The following KIF26B variants were observed in gnomAD, a reference collection of about 807,000 sequenced individuals.
The protein encoded by KIF26B is kinesin-like protein KIF26B.
Under a neutral mutation model 151.2 loss-of-function variants are expected in KIF26B, and 63 were observed. The observed-to-expected ratio is 0.42, with a 90% CI of 0.34 to 0.51. KIF26B has a LOEUF of 0.51. KIF26B is among the 20% of genes least tolerant of loss of function. The probability of loss-of-function intolerance (pLI) is 0.07; values close to 1 mark genes in which losing one functional copy is unlikely to be tolerated. For synonymous variants in KIF26B, 1,357 were observed against 1,262.1 expected (o/e 1.08, Z -1.59); for missense variants, 2,813 against 2,913.6 (o/e 0.97, Z 0.79).
intron 10 of KIF26B, among the ~76,000 whole-genome samples, chr1:245,648,953 G>A (rs1181785142): frequency 6.6e-6 from 1 of 152,326 alleles, no homozygotes; most frequent in Admixed American, 6.5e-5. Flanking sequence ...AGACTCACCA[G>A]CTGCCCTTGC....
intron 1 of KIF26B, 93 bp downstream of exon 1, chr1:245,155,580 G>A: frequency 4.3e-6 from 5 of 1,153,444 alleles, no homozygotes; most frequent in Non-Finnish European, 6.1e-6. Flanking sequence ...CCGGCCCCGA[G>A]CTCTCCCCCG....
intron 4 of KIF26B, among the ~76,000 whole-genome samples, chr1:245,421,681 C>A (rs909733420): frequency 6.6e-6 from 1 of 152,054 alleles, no homozygotes; most frequent in African/African-American, 2.4e-5. Context: ...CACAAGGCAA[C>A]CCAGAAGATT....
chr1:245,227,115 A>G lies in KIF26B; in HGVS notation c.465+70432A>G, dbSNP rs2103552454. Reference sequence around the variant, plus strand: ...TCGTTTTTTGGCATTTTTGAGGAACAGCTCCCTTTTCAGTACCAGGTGACA... The same window carrying G: ...TCGTTTTTTGGCATTTTTGAGGAACGGCTCCCTTTTCAGTACCAGGTGACA... On this transcript the variant is annotated intron_variant, in intron 2 of 14. Transcript: ENST00000407071. The surrounding 1 kb of genome is among the most constrained non-coding windows in gnomAD (Gnocchi z 4.1). Among the ~76,000 whole-genome samples, 1 of 152,260 alleles carries G rather than the reference A, an allele frequency of 6.6e-6. No homozygotes were observed. Among genetic ancestry groups the G allele is most frequent in the African/African-American group, 2.4e-5 (1 of 41,552 alleles).
intron 4 of KIF26B, among the ~76,000 whole-genome samples, chr1:245,522,711 C>T (rs1450375613): frequency 6.6e-6 from 1 of 152,160 alleles, no homozygotes; most frequent in Non-Finnish European, 1.5e-5. Flanking sequence ...AACTGCACAA[C>T]CAAAACTTAT....
intron 4 of KIF26B, among the ~76,000 whole-genome samples, chr1:245,528,098 G>A (rs1376968198): frequency 7.9e-5 from 12 of 152,100 alleles, no homozygotes; most frequent in Non-Finnish European, 2.9e-5. Flanking sequence ...AAGTACGTGT[G>A]CACCTAAGTG....
chr1:245,532,218 TTTTTCTTTTC>T (rs543766882), intron 4 of KIF26B, among the ~76,000 whole-genome samples: 1,476 of 145,202 alleles, frequency 0.01, 22 homozygotes, highest in African/African-American at 0.029. Context: ...GGAAAATTCT[TTTTTCTTTTC>T]TTTTCTTTTC....
chr1:245,447,755 A>G (rs995068610), intron 4 of KIF26B, among the ~76,000 whole-genome samples: 5 of 152,188 alleles, frequency 3.3e-5, no homozygotes, highest in Non-Finnish European at 7.4e-5. Context: ...TGACCCCACG[A>G]CCCAGAAGTT....
chr1:245,253,477 A>G (rs1026413726), intron 2 of KIF26B, among the ~76,000 whole-genome samples: 2 of 152,236 alleles, frequency 1.3e-5, no homozygotes, highest in Admixed American at 6.5e-5. Context: ...TTGCTAGTGA[A>G]TGTGGCTTAT....
At chr1:245,161,896 T>C (rs964263473) in intron 2 of KIF26B, among the ~76,000 whole-genome samples, 23 of 151,974 alleles carry the variant, frequency 1.5e-4, no homozygotes, top group African/African-American at 5.5e-4. Flanking sequence ...TTACTTCCAG[T>C]GAGTGGGGAG....
In KIF26B at chr1:245,344,795, G is replaced by A. The variant is rs1179191708; in HGVS notation, c.466-22039G>A. ...ACTGCATACCGCGGCCATGTGTTGT[G>A]TGAGTGGTATCAGGCTGGACGTATC... On this transcript the variant is annotated intron_variant, in intron 2 of 14. Transcript: ENST00000407071. Among the ~76,000 whole-genome samples the A allele has an allele frequency of 2.0e-5, 3 of 152,206 alleles. No homozygotes were observed. In the East Asian group the frequency reaches 5.8e-4, roughly 30 times the overall value.
At chr1:245,171,393 A>AGTGTATTT (rs1341561555) in intron 2 of KIF26B, among the ~76,000 whole-genome samples, 1 of 152,124 alleles carries the variant, frequency 6.6e-6, no homozygotes, top group Non-Finnish European at 1.5e-5. Flanking sequence ...AATACAAAAA[A>AGTGTATTT]GTTAGCTGGG....
At chr1:245,484,918 T>C (rs554638712) in intron 4 of KIF26B, among the ~76,000 whole-genome samples, 147 of 151,858 alleles carry the variant, frequency 9.7e-4, no homozygotes, top group Non-Finnish European at 1.1e-3. Context: ...AGCAGGCATC[T>C]TGGTATTTTA....
chr1:245,294,084 G>T (rs547511168), intron 2 of KIF26B, among the ~76,000 whole-genome samples: 1 of 152,158 alleles, frequency 6.6e-6, no homozygotes, highest in East Asian at 1.9e-4. Flanking sequence ...CATGATGGTG[G>T]CCTGTGTTGT....
At chr1:245,168,324 G>A (rs1294416156) in intron 2 of KIF26B, among the ~76,000 whole-genome samples, 2 of 152,202 alleles carry the variant, frequency 1.3e-5, no homozygotes, top group African/African-American at 4.8e-5. Flanking sequence ...CCAAGCGGAG[G>A]GGCCGGTAGC....
At chr1:245,226,004 G>T (rs1213479309) in intron 2 of KIF26B, 1 of 152,246 alleles carries the variant, frequency 6.6e-6, no homozygotes, top group Non-Finnish European at 1.5e-5. Flanking sequence ...TAGAGCAATT[G>T]TTGAGTGCTT....
intron 2 of KIF26B, among the ~76,000 whole-genome samples, chr1:245,158,523 C>T (rs1398385228): frequency 6.6e-6 from 1 of 152,170 alleles, no homozygotes; most frequent in Admixed American, 6.5e-5. Context: ...GTGATGGCCC[C>T]AGAAGAAACA....
At chr1:245,339,345 TG>T (rs1672292970) in intron 2 of KIF26B, among the ~76,000 whole-genome samples, 1 of 152,118 alleles carries the variant, frequency 6.6e-6, no homozygotes, top group Admixed American at 6.5e-5. Flanking sequence ...AAGGCGGCCA[TG>T]TTGGTTTATT....
chr1:245,570,043 C>T (rs1188037010), intron 5 of KIF26B, among the ~76,000 whole-genome samples: 2 of 142,006 alleles, frequency 1.4e-5, no homozygotes, highest in African/African-American at 2.6e-5. Context: ...TCACGCCATT[C>T]TCCTGCCTCA....
rs1034222210 is a variant in KIF26B, at chr1:245,315,867, G to T, written c.466-50967G>T. 1.1e-4 allele frequency among the ~76,000 whole-genome samples: 17 copies of T among 152,134 alleles called. 1 individual carries two copies. The highest frequency in any genetic ancestry group is 3.4e-4 in the African/African-American group (14 of 41,420). ...TGATGGTGCCACTGCACTGCAGCCT[G>T]GGCAACAGATGAGAGAGTAAAAAAT... On this transcript the variant is annotated intron_variant, in intron 2 of 14. Transcript: ENST00000407071.
Sources: gnomAD v4.1 joint callset for allele counts (sites outside exome capture counted in the v4.1 genomes callset) on GRCh38, gnomAD v4.1.1 for gene constraint, Gnocchi (gnomAD v3.1) non-coding constraint, MANE v1.5 for transcripts, NCBI Gene and HGNC (gene_info 2026-07-23, HGNC 2026-07-21) for gene names.